Variants in METAP1D observed in about 807,000 individuals in gnomAD.
METAP1D encodes the protein methionyl aminopeptidase type 1D, mitochondrial, also known as methionine aminopeptidase 1D, mitochondrial.
A neutral mutation model predicts 40.5 loss-of-function variants in METAP1D; 31 were observed. That is an observed-to-expected ratio of 0.77 (90% confidence interval 0.58 to 1.03). The LOEUF is 1.03. METAP1D is among the 50% of genes least tolerant of loss of function. METAP1D has a pLI of 0.00. For synonymous variants in METAP1D, 151 were observed against 146.4 expected (o/e 1.03, Z -0.22); for missense variants, 411 against 420.7 (o/e 0.98, Z 0.20).
At position 172,037,442 on chromosome 2, in the gene METAP1D, A is replaced by G. The variant is rs139870169; in HGVS notation, c.41-24056A>G. Among the ~76,000 whole-genome samples, 3 of 110,284 alleles carry G rather than the reference A, an allele frequency of 2.7e-5. No individual in the cohort carries two copies. In the East Asian group the frequency reaches 8.3e-4, roughly 30 times the overall value. 72.4% of individuals were successfully genotyped at this position (110,284 alleles called of 152,430 possible). The stretch of plus-strand genomic sequence containing the variant: ...AAATAGTAAAGCTTTAAAAAAGGAG[A>G]GAGCATTTTTGTACCTTTTTCACTT... On this transcript the variant is annotated intron_variant, in intron 1 of 9. Coordinates refer to ENST00000315796, the MANE Select transcript of METAP1D (RefSeq NM_199227.3).
At chr2:172,049,460 T>A (rs995080887) in intron 1 of METAP1D, among the ~76,000 whole-genome samples, 2 of 151,804 alleles carry the variant, frequency 1.3e-5, no homozygotes, top group Non-Finnish European at 2.9e-5. Context: ...TACACATATA[T>A]ATGGGCCAAA....
At chr2:172,007,022 C>T (rs1688602015) in intron 1 of METAP1D, among the ~76,000 whole-genome samples, 1 of 151,934 alleles carries the variant, frequency 6.6e-6, no homozygotes, top group South Asian at 2.1e-4. Flanking sequence ...CCTTTAAGTA[C>T]TTGAACATAC....
At chr2:172,010,071 G>A (rs780159737) in intron 1 of METAP1D, among the ~76,000 whole-genome samples, 1 of 152,006 alleles carries the variant, frequency 6.6e-6, no homozygotes, top group Non-Finnish European at 1.5e-5. Flanking sequence ...AAATTTAGCA[G>A]TAGAAGGAGC....
intron 1 of METAP1D, among the ~76,000 whole-genome samples, chr2:172,009,968 G>A (rs1440716288): frequency 1.3e-5 from 2 of 152,086 alleles, no homozygotes; most frequent in African/African-American, 4.8e-5. Flanking sequence ...CAGGAACAGA[G>A]AACTTAGTAG....
rs185343708 is a variant in METAP1D, at chr2:172,040,573, A to C, written c.41-20925A>C. ...TACTGCTACTCCCAGGGGGAGATCA[A>C]ACTAAATACACAGCGTTTTAGGAAC... On this transcript the variant is annotated intron_variant, in intron 1 of 9. Transcript: ENST00000315796. Among the ~76,000 whole-genome samples the C allele has an allele frequency of 1.7e-3, 259 of 152,290 alleles. 1 individual carries two copies. The highest frequency in any genetic ancestry group is 5.9e-3 in the African/African-American group (247 of 41,556).
intron 1 of METAP1D, among the ~76,000 whole-genome samples, chr2:172,001,651 A>G (rs1432640793): frequency 6.6e-6 from 1 of 152,170 alleles, no homozygotes; most frequent in Non-Finnish European, 1.5e-5. Flanking sequence ...GTTAGTGGAG[A>G]TGAGAAAGGG....
intron 7 of METAP1D, among the ~76,000 whole-genome samples, chr2:172,078,529 G>A (rs1045531678): frequency 5.3e-5 from 8 of 152,170 alleles, no homozygotes; most frequent in East Asian, 1.9e-4. Flanking sequence ...ACACCTGGAC[G>A]GGGATCAAAG....
chr2:172,063,642 T>G (rs1690183409), intron 2 of METAP1D, 69 bp from the exon 3 acceptor site: 2 of 1,187,128 alleles, frequency 1.7e-6, no homozygotes, highest in Non-Finnish European at 2.5e-6. Flanking sequence ...CAGGAGGCTG[T>G]GTCTGAAAAA....
chr2:172,046,923 A>G (rs1321909071), intron 1 of METAP1D, among the ~76,000 whole-genome samples: 1 of 152,234 alleles, frequency 6.6e-6, no homozygotes, highest in African/African-American at 2.4e-5. Context: ...TGCAAAATTT[A>G]AAGGTACTGA....
intron 1 of METAP1D, among the ~76,000 whole-genome samples, chr2:172,021,027 TA>T (rs974860622): frequency 1.3e-5 from 2 of 152,038 alleles, no homozygotes; most frequent in African/African-American, 4.8e-5. Flanking sequence ...TTACTACTAT[TA>T]AAAAAAGCCA....
At chr2:172,041,726 T>TATATATATATATATATATATA (rs1553493427) in intron 1 of METAP1D, among the ~76,000 whole-genome samples, 1 of 37,560 alleles carries the variant, frequency 2.7e-5, no homozygotes, top group African/African-American at 8.1e-5. Context: ...TCTAATTATT[T>TATATATATATATATATATATA]TATATATATA....
At chr2:172,070,829 A>T in intron 5 of METAP1D, 78 bp from the exon 6 acceptor site, 1 of 1,214,652 alleles carries the variant, frequency 8.2e-7, no homozygotes, top group Non-Finnish European at 1.1e-6. Flanking sequence ...TACTAAATAC[A>T]TAAATGAATA....
intron 1 of METAP1D, among the ~76,000 whole-genome samples, chr2:172,016,300 A>AAATAT (rs1553490378): frequency 9.7e-4 from 39 of 40,058 alleles, no homozygotes; most frequent in African/African-American, 1.2e-3. Flanking sequence ...AAAAAAAAAA[A>AAATAT]ATATATATAT....
rs111640819 is a variant in METAP1D at position 172,018,657 on chromosome 2, G to T, written c.40+18648G>T. 5.3e-3 allele frequency among the ~76,000 whole-genome samples: 804 copies of T among 152,220 alleles called. 8 individuals are homozygous for T. The highest frequency in any genetic ancestry group is 0.017 in the African/African-American group (694 of 41,522). On this transcript the variant is annotated intron_variant, in intron 1 of 9. Transcript: ENST00000315796. ...GAGAAGGCTAGCAACATAGTATCCC[G>T]GTTAAGGGTGGGGTACTATGATGAG...
rs761803110 is a variant in METAP1D, at chr2:172,042,996, T to C, written c.41-18502T>C. On this transcript the variant is annotated intron_variant, in intron 1 of 9. Coordinates refer to ENST00000315796, the MANE Select transcript of METAP1D (RefSeq NM_199227.3). ...ATGTGCATACATATGTGTGCGTGTG[T>C]ACACATATATGTGTATGTGTACACA... Among the ~76,000 whole-genome samples the C allele has an allele frequency of 1.9e-5, 2 of 107,460 alleles. 1 individual carries two copies. The highest frequency in any genetic ancestry group is 4.8e-5 in the Non-Finnish European group (2 of 41,686). 70.5% of individuals were successfully genotyped at this position (107,460 alleles called of 152,430 possible).
intron 2 of METAP1D, among the ~76,000 whole-genome samples, chr2:172,063,261 A>C (rs1056176177): frequency 6.6e-6 from 1 of 152,184 alleles, no homozygotes; most frequent in Non-Finnish European, 1.5e-5. Flanking sequence ...CTTTTTACAT[A>C]TGTTCATTTT....
intron 1 of METAP1D, among the ~76,000 whole-genome samples, chr2:172,021,503 C>A (rs1483940280): frequency 2.0e-5 from 3 of 152,210 alleles, no homozygotes; most frequent in Admixed American, 6.5e-5. Context: ...TCCCACCAAA[C>A]AGTAAAAGAC....
intron 1 of METAP1D, among the ~76,000 whole-genome samples, chr2:172,022,767 A>G (rs1689034427): frequency 6.6e-6 from 1 of 152,210 alleles, no homozygotes; most frequent in South Asian, 2.1e-4. Flanking sequence ...TTAGCAGTCA[A>G]TGCAATTAAA....
chr2:172,068,318 T>C (rs1257086853), intron 5 of METAP1D, among the ~76,000 whole-genome samples: 2 of 152,036 alleles, frequency 1.3e-5, no homozygotes, highest in East Asian at 3.9e-4. Flanking sequence ...TGCTTGAACC[T>C]GAGAGGCAGA....
Sources: gnomAD v4.1 joint callset for allele counts (sites outside exome capture counted in the v4.1 genomes callset) on GRCh38, gnomAD v4.1.1 for gene constraint, MANE v1.5 for transcripts, NCBI Gene and HGNC (gene_info 2026-07-23, HGNC 2026-07-21) for gene names.